The following PCNX1 variants were observed in gnomAD, a reference collection of about 807,000 sequenced individuals.
PCNX1 encodes the protein pecanex-like protein 1.
PCNX1 carries 78 observed loss-of-function variants against 242.2 expected under a neutral mutation model. The observed-to-expected ratio is 0.32, with a 90% CI of 0.27 to 0.39. The LOEUF (loss-of-function observed/expected upper bound fraction) is 0.39. Ranked by LOEUF, PCNX1 falls within the 10% of genes least tolerant of loss-of-function variation. The pLI is 1.00. For synonymous variants in PCNX1, 1,024 were observed against 1,032.9 expected (o/e 0.99, Z 0.17); for missense variants, 2,581 against 2,856.5 (o/e 0.90, Z 2.20).
At chr14:70,963,925 C>G (rs756444546) in intron 3 of PCNX1, among the ~76,000 whole-genome samples, 26 of 152,138 alleles carry the variant, frequency 1.7e-4, no homozygotes, top group African/African-American at 5.1e-4. Context: ...TCGGACTGAT[C>G]TAGTGAGTAC....
intron 1 of PCNX1, among the ~76,000 whole-genome samples, chr14:70,921,717 G>T (rs1398665512): frequency 6.6e-6 from 1 of 152,078 alleles, no homozygotes; most frequent in African/African-American, 2.4e-5. Context: ...AAAATTGAAA[G>T]AATGCTTCAT....
Position 71,045,186 on chromosome 14 carries a change from C to G in PCNX1, c.3921C>G (p.Thr1307=). The G allele has an allele frequency of 6.2e-7, 1 of 1,612,874 alleles. No homozygotes were observed. The highest frequency in any genetic ancestry group is 8.5e-7 in the Non-Finnish European group (1 of 1,179,124). Residue 1307 remains threonine, a synonymous_variant, in exon 20 of 36, where the codon ACC becomes ACG. Coordinates refer to ENST00000304743, the MANE Select transcript of PCNX1 (RefSeq NM_014982.3). ...YTLVGFVGFV[T]HYVLPQVRKQ... is the part of the protein sequence containing the mutation. ...TGGTTGGCTTTGTGGGTTTTGTAAC[C>G]CATTATGTGCTGCCTCAAGTTAGAA...
Position 70,977,439 on chromosome 14 carries a change from A to G in PCNX1, c.1102A>G (p.Met368Val). ...CAAACCTTTGAAAGCAGAGAAAAGC[A>G]TGGACAGCTTGAGGAGCCTGAGCAC... Reference protein sequence around the residue: ...KSKPLKAEKSMDSLRSLSTRS... With the variant: ...KSKPLKAEKSVDSLRSLSTRS... Residue 368 changes from methionine to valine, a missense_variant, in exon 6 of 36, where the codon ATG becomes GTG. Coordinates refer to ENST00000304743, the MANE Select transcript of PCNX1 (RefSeq NM_014982.3). 6.2e-7 allele frequency: 1 copy of G among 1,614,106 alleles called. No homozygotes were observed. The highest frequency in any genetic ancestry group is 2.2e-5 in the East Asian group (1 of 44,882).
chr14:71,032,271 T>C (rs1049052680), intron 16 of PCNX1, among the ~76,000 whole-genome samples: 1 of 152,234 alleles, frequency 6.6e-6, no homozygotes, highest in Non-Finnish European at 1.5e-5. Flanking sequence ...ATACTTTGCT[T>C]TCATATGTAT....
intron 3 of PCNX1, among the ~76,000 whole-genome samples, chr14:70,964,131 A>G (rs2058306540): frequency 6.6e-6 from 1 of 152,154 alleles, no homozygotes; most frequent in African/African-American, 2.4e-5. Flanking sequence ...CAATGGCACA[A>G]TCTTGGCTCA....
chr14:70,927,592 A>ATTTG (rs1233405229), intron 1 of PCNX1, among the ~76,000 whole-genome samples: 1 of 150,596 alleles, frequency 6.6e-6, no homozygotes, highest in Non-Finnish European at 1.5e-5. Context: ...TTATTTATTT[A>ATTTG]TTTATTTTTT....
chr14:71,107,109 C>G (rs1566811592), intron 33 of PCNX1, among the ~76,000 whole-genome samples: 1 of 152,130 alleles, frequency 6.6e-6, no homozygotes, highest in Non-Finnish European at 1.5e-5. Flanking sequence ...AATCAGGTCT[C>G]AACTGTCTCC....
chr14:71,028,817 T>G (rs147870541), intron 16 of PCNX1, 26 bp downstream of exon 16: 1 of 1,361,108 alleles, frequency 7.3e-7, no homozygotes, highest in African/African-American at 1.4e-5. Flanking sequence ...TAGTATGTTT[T>G]GTCTTTAAGG....
At chr14:71,038,755 A>G (rs1272054505) in intron 19 of PCNX1, among the ~76,000 whole-genome samples, 4,829 of 152,172 alleles carry the variant, frequency 0.032, 223 homozygotes, top group African/African-American at 0.11. Context: ...TCATGCTGCT[A>G]TAGAGACACA....
chr14:71,065,125 T>A (rs1017803595), intron 26 of PCNX1, among the ~76,000 whole-genome samples: 7 of 152,216 alleles, frequency 4.6e-5, no homozygotes, highest in Non-Finnish European at 1.0e-4. Context: ...ATCCTTTGGG[T>A]ATATACCCAT....
chr14:70,946,784 G>A (rs1390094388), intron 1 of PCNX1, 131 bp from the exon 2 acceptor site: 6 of 677,054 alleles, frequency 8.9e-6, no homozygotes, highest in Admixed American at 2.9e-5. Flanking sequence ...GCTAAGTTTT[G>A]CAGCTTAGCG....
intron 8 of PCNX1, among the ~76,000 whole-genome samples, chr14:71,006,745 G>C (rs2059679707): frequency 6.6e-6 from 1 of 152,068 alleles, no homozygotes; most frequent in Non-Finnish European, 1.5e-5. Context: ...ATTTATTTCT[G>C]GTTGGTTATT....
intron 31 of PCNX1, 108 bp from the exon 32 acceptor site, chr14:71,103,287 C>T (rs2062512396): frequency 1.6e-6 from 2 of 1,249,490 alleles, no homozygotes; most frequent in Non-Finnish European, 2.3e-6. Flanking sequence ...CCGCTTTTCA[C>T]AACTGGTTAT....
At chr14:71,076,861 G>A (rs954086932) in intron 28 of PCNX1, among the ~76,000 whole-genome samples, 2 of 152,246 alleles carry the variant, frequency 1.3e-5, no homozygotes, top group African/African-American at 4.8e-5. Context: ...ACTGCCACAT[G>A]TGGCTGTGAA....
At chr14:71,090,513 A>G (rs933910091) in intron 30 of PCNX1, among the ~76,000 whole-genome samples, 6 of 152,210 alleles carry the variant, frequency 3.9e-5, no homozygotes, top group Admixed American at 3.9e-4. Flanking sequence ...ACATTATTTG[A>G]AAATCTCTGT....
chr14:70,954,552 G>A (rs1252859873), intron 2 of PCNX1, among the ~76,000 whole-genome samples: 1 of 151,936 alleles, frequency 6.6e-6, no homozygotes, highest in East Asian at 1.9e-4. Context: ...ATACCTTTCA[G>A]TAATAGTTTT....
At chr14:71,068,525 T>C (rs1468958591) in intron 26 of PCNX1, among the ~76,000 whole-genome samples, 2 of 149,284 alleles carry the variant, frequency 1.3e-5, no homozygotes, top group Non-Finnish European at 3.0e-5. Flanking sequence ...TACATACATA[T>C]ACTGTGTGAA....
Position 71,105,463 on chromosome 14 carries a change from G to A in PCNX1, c.6301+23G>A, listed in dbSNP as rs761082612. ...TAGGTAATGTGAAACAAAGTTATAT[G>A]TCTAATGTTAGCTTCTTAGCCATAG... On this transcript the variant is annotated intron_variant, in intron 33 of 35. Transcript: ENST00000304743. 3.8e-6 allele frequency: 6 copies of A among 1,571,848 alleles called. No individual in the cohort carries two copies. The South Asian group carries it at 6.7e-5, about 17-fold the overall frequency.
At chr14:70,914,266 C>T (rs185542147) in intron 1 of PCNX1, among the ~76,000 whole-genome samples, 129 of 152,204 alleles carry the variant, frequency 8.5e-4, no homozygotes, top group African/African-American at 2.9e-3. Context: ...TCATTAGAAG[C>T]CAAACCTCAG....
Sources: gnomAD v4.1 joint callset for allele counts (sites outside exome capture counted in the v4.1 genomes callset) on GRCh38, gnomAD v4.1.1 for gene constraint, MANE v1.5 for transcripts, NCBI Gene and HGNC (gene_info 2026-07-23, HGNC 2026-07-21) for gene names.